DLG2: variants seen among roughly 807,000 people sequenced by gnomAD.
DLG2 encodes the protein disks large homolog 2.
In DLG2, 45 loss-of-function variants were observed where a neutral mutation model predicts 132.5. That is an observed-to-expected ratio of 0.34 (90% confidence interval 0.27 to 0.44). The LOEUF is 0.44. DLG2 is among the 20% of genes least tolerant of loss of function. DLG2 has a pLI of 1.00. For synonymous variants in DLG2, 424 were observed against 419.6 expected (o/e 1.01, Z -0.13); for missense variants, 1,045 against 1,196.9 (o/e 0.87, Z 1.87).
At chr11:83,890,235 G>T (rs979182709) in intron 15 of DLG2, among the ~76,000 whole-genome samples, 1 of 151,958 alleles carries the variant, frequency 6.6e-6, no homozygotes, top group Non-Finnish European at 1.5e-5. Flanking sequence ...AATTCAAATT[G>T]CCCTGGATAT....
chr11:84,194,356 T>C (rs924659075), intron 8 of DLG2, among the ~76,000 whole-genome samples: 2 of 152,184 alleles, frequency 1.3e-5, no homozygotes, highest in African/African-American at 4.8e-5. Flanking sequence ...TTCTTTCTTC[T>C]GGTGGGTTCA....
chr11:84,354,605 T>G (rs1263142605), intron 7 of DLG2, among the ~76,000 whole-genome samples: 1 of 152,144 alleles, frequency 6.6e-6, no homozygotes, highest in Non-Finnish European at 1.5e-5. Context: ...TTAGAAGTGT[T>G]GCCTTTAGAA....
intron 6 of DLG2, among the ~76,000 whole-genome samples, chr11:85,002,313 G>C (rs1412358242): frequency 2.0e-5 from 3 of 152,060 alleles, no homozygotes; most frequent in Non-Finnish European, 2.9e-5. Flanking sequence ...TAAAAAGAAA[G>C]GTATTACAAA....
At chr11:83,783,044 A>C (rs2153875552) in intron 18 of DLG2, among the ~76,000 whole-genome samples, 1 of 152,372 alleles carries the variant, frequency 6.6e-6, no homozygotes, top group Middle Eastern at 3.4e-3. Context: ...CTTGAAAGAA[A>C]GAAAAACAAC....
intron 16 of DLG2, among the ~76,000 whole-genome samples, chr11:83,834,764 T>C (rs1401844247): frequency 6.6e-6 from 1 of 152,200 alleles, no homozygotes; most frequent in East Asian, 1.9e-4. Flanking sequence ...CTCAGAATAA[T>C]ATGGAATTAT....
At chr11:84,462,219 G>A (rs923999545) in intron 7 of DLG2, among the ~76,000 whole-genome samples, 1 of 150,932 alleles carries the variant, frequency 6.6e-6, no homozygotes, top group African/African-American at 2.4e-5. Context: ...TATCAAAATG[G>A]TTCCCAAGCA....
chr11:83,715,856 G>A (rs2086570470), intron 18 of DLG2, among the ~76,000 whole-genome samples: 1 of 151,954 alleles, frequency 6.6e-6, no homozygotes, highest in Non-Finnish European at 1.5e-5. Flanking sequence ...CACTCTTCAG[G>A]GTTGACTTCT....
intron 7 of DLG2, among the ~76,000 whole-genome samples, chr11:84,413,899 TG>T (rs1196488384): frequency 6.6e-6 from 1 of 152,186 alleles, no homozygotes; most frequent in African/African-American, 2.4e-5. Flanking sequence ...AGCTGAGAGC[TG>T]GCTGGGAACC....
intron 6 of DLG2, among the ~76,000 whole-genome samples, chr11:84,939,357 T>A (rs77260179): frequency 2.6e-5 from 4 of 152,080 alleles, no homozygotes; most frequent in Admixed American, 2.6e-4. Context: ...TCAGAGTAAA[T>A]AGGGTATCTA....
intron 6 of DLG2, among the ~76,000 whole-genome samples, chr11:84,868,163 A>G (rs924147879): frequency 6.8e-6 from 1 of 147,556 alleles, no homozygotes; most frequent in Admixed American, 6.8e-5. Context: ...TTAATATATT[A>G]TATTATTATT....
intron 8 of DLG2, among the ~76,000 whole-genome samples, chr11:84,243,957 CAG>C (rs1328831697): frequency 6.6e-6 from 1 of 152,122 alleles, no homozygotes; most frequent in East Asian, 1.9e-4. Context: ...TATAATGAAA[CAG>C]AGGCTTAGAG....
In DLG2 at chr11:83,833,863, T is replaced by G. The variant is rs2055297197; in HGVS notation, c.1566-93A>C. The G allele has an allele frequency of 7.9e-6, 10 of 1,272,980 alleles. No individual in the cohort carries two copies. In the South Asian group the frequency reaches 1.7e-4, roughly 22 times the overall value. 78.9% of individuals were successfully genotyped at this position (1,272,980 alleles called of 1,614,324 possible). On this transcript the variant is annotated intron_variant, in intron 16 of 27. Transcript: ENST00000376104. ...CAATGGGATATATGATATCAGCAAC[T>G]CACTACTTGTAAAATTGTTTCTCAA...
At chr11:85,155,403 A>C (rs1055993005) in intron 4 of DLG2, among the ~76,000 whole-genome samples, 1 of 152,228 alleles carries the variant, frequency 6.6e-6, no homozygotes, top group East Asian at 1.9e-4. Context: ...ATACAATCTT[A>C]GACTCCTCAC....
chr11:84,267,201 G>A (rs1333344311), intron 7 of DLG2, among the ~76,000 whole-genome samples: 1 of 148,418 alleles, frequency 6.7e-6, no homozygotes, highest in Non-Finnish European at 1.5e-5. Context: ...TCCATTTCAT[G>A]TTGGTATTGT....
In DLG2 at chr11:83,986,548, G is replaced by A. The variant is rs1354319366; in HGVS notation, c.920-5906C>T. 9.9e-5 allele frequency among the ~76,000 whole-genome samples: 15 copies of A among 151,524 alleles called. No homozygotes were observed. In the East Asian group the frequency reaches 2.7e-3, roughly 27 times the overall value. On this transcript the variant is annotated intron_variant, in intron 11 of 27. Transcript: ENST00000376104. ...TGTGCATGTGTCTTTATAGCAGCAA[G>A]ATTTATAGTCCTTTGGGTATATACC...
At chr11:85,429,686 A>G (rs377529388) in intron 3 of DLG2, among the ~76,000 whole-genome samples, 6 of 152,212 alleles carry the variant, frequency 3.9e-5, no homozygotes, top group African/African-American at 1.4e-4. Context: ...TAGAATGGCA[A>G]TCATTAAAAA....
At chr11:84,186,869 G>A (rs1596993603) in intron 8 of DLG2, among the ~76,000 whole-genome samples, 1 of 152,062 alleles carries the variant, frequency 6.6e-6, no homozygotes, top group East Asian at 1.9e-4. Flanking sequence ...GCTTAGGTAA[G>A]TGAATGGTAG....
chr11:84,248,133 C>G (rs1012956446), intron 8 of DLG2, among the ~76,000 whole-genome samples: 1 of 151,962 alleles, frequency 6.6e-6, no homozygotes, highest in African/African-American at 2.4e-5. Flanking sequence ...TCAAGGTTAC[C>G]CCGTGAGTCA....
intron 18 of DLG2, among the ~76,000 whole-genome samples, chr11:83,785,062 A>C (rs1032713255): frequency 1.3e-5 from 2 of 150,018 alleles, no homozygotes; most frequent in African/African-American, 4.9e-5. Context: ...ATGGATACTT[A>C]TTTTTTTTTT....
Sources: allele counts gnomAD v4.1 joint callset (sites outside exome capture counted in the v4.1 genomes callset), GRCh38; gene constraint gnomAD v4.1.1; transcripts MANE v1.5; gene names NCBI Gene and HGNC (gene_info 2026-07-23, HGNC 2026-07-21).